KLF7: variants seen among roughly 807,000 people sequenced by gnomAD.
The protein encoded by KLF7 is KLF transcription factor 7, also known as Krueppel-like factor 7.
A neutral mutation model predicts 27.3 loss-of-function variants in KLF7; 2 were observed. That is an observed-to-expected ratio of 0.07 (90% CI 0.03 to 0.23). The LOEUF is 0.23. Among genes scored for constraint, KLF7 ranks in the 10% least tolerant of loss-of-function variants. KLF7 has a pLI of 1.00. For synonymous variants in KLF7, 165 were observed against 162.4 expected, an observed-to-expected ratio of 1.02 and a Z score of -0.12; for missense variants, 221 against 394.1, an observed-to-expected ratio of 0.56 and a Z score of 3.72.
chr2:207,103,352 T>C (rs923443864), intron 2 of KLF7, among the ~76,000 whole-genome samples: 4 of 152,160 alleles, frequency 2.6e-5, no homozygotes, highest in Non-Finnish European at 5.9e-5. Context: ...ACCTGAGCAA[T>C]ACCTCAGGAA....
intron 3 of KLF7, among the ~76,000 whole-genome samples, chr2:207,085,164 GAAAAAAAAAAAAAAAA>G (rs1015691241): frequency 6.1e-4 from 14 of 22,986 alleles, no homozygotes; most frequent in Admixed American, 2.2e-3. Flanking sequence ...TGTCTCAAAT[GAAAAAAAAAAAAAAAA>G]AAAAAAAAAA....
chr2:207,125,057 T>G (rs187822127), intron 1 of KLF7, among the ~76,000 whole-genome samples: 4 of 152,344 alleles, frequency 2.6e-5, no homozygotes, highest in Non-Finnish European at 4.4e-5. Context: ...GCAAGTCATT[T>G]AAAATACAAT....
At chr2:207,104,315 GATAC>G (rs1280739703) in intron 2 of KLF7, among the ~76,000 whole-genome samples, 1 of 152,124 alleles carries the variant, frequency 6.6e-6, no homozygotes, top group Non-Finnish European at 1.5e-5. Flanking sequence ...TCCTCGTGTA[GATAC>G]ACATATAGCA....
At chr2:207,122,519 T>C (rs991673867) in intron 2 of KLF7, among the ~76,000 whole-genome samples, 6 of 152,072 alleles carry the variant, frequency 3.9e-5, no homozygotes, top group South Asian at 2.1e-4. Context: ...AACACTAGAA[T>C]TGAAAGGGGC....
intron 2 of KLF7, among the ~76,000 whole-genome samples, chr2:207,099,427 T>C (rs2076705041): frequency 6.6e-6 from 1 of 151,876 alleles, no homozygotes; most frequent in Non-Finnish European, 1.5e-5. Context: ...TCACATTAGT[T>C]GACAATGTCT....
rs112690028 is a variant in KLF7, at chr2:207,127,998, A to C, written c.103-3594T>G. On this transcript the variant is annotated intron_variant, in intron 1 of 3. Transcript: ENST00000309446. ...ATTTCCTAACTCCATCCACTGAAAG[A>C]AGCTACAGGCAAAGATAACCCCAGG... is the stretch of plus-strand genomic sequence containing the variant. Among the ~76,000 whole-genome samples, 627 of 152,338 alleles carry C rather than the reference A, an allele frequency of 4.1e-3. 5 individuals carry two copies. The highest frequency in any genetic ancestry group is 0.015 in the African/African-American group (604 of 41,580).
At chr2:207,095,888 CAT>C (rs766676312) in intron 2 of KLF7, among the ~76,000 whole-genome samples, 16 of 152,150 alleles carry the variant, frequency 1.1e-4, no homozygotes, top group Non-Finnish European at 1.6e-4. Flanking sequence ...TTAGGTAAAA[CAT>C]ATTAAAATTA....
intron 1 of KLF7, among the ~76,000 whole-genome samples, chr2:207,143,360 A>G (rs898755892): frequency 3.3e-5 from 5 of 151,822 alleles, no homozygotes; most frequent in Admixed American, 1.3e-4. Context: ...GGAGGAGGAG[A>G]AGAAAATGAG....
At chr2:207,097,303 C>G (rs989465895) in intron 2 of KLF7, among the ~76,000 whole-genome samples, 2 of 151,180 alleles carry the variant, frequency 1.3e-5, no homozygotes, top group Non-Finnish European at 2.9e-5. Context: ...CATGAAGATT[C>G]GATGGAACCT....
At chr2:207,138,724 T>C (rs546645472) in intron 1 of KLF7, among the ~76,000 whole-genome samples, 2 of 152,328 alleles carry the variant, frequency 1.3e-5, no homozygotes, top group East Asian at 1.9e-4. Context: ...AAGACACCAG[T>C]GTGACTACAT....
chr2:207,098,443 C>T (rs1237087712), intron 2 of KLF7, among the ~76,000 whole-genome samples: 1 of 152,128 alleles, frequency 6.6e-6, no homozygotes, highest in African/African-American at 2.4e-5. Context: ...AATGTTATCA[C>T]TCTGTAAGTC....
intron 1 of KLF7, among the ~76,000 whole-genome samples, chr2:207,151,205 T>A (rs943041260): frequency 1.3e-5 from 2 of 152,160 alleles, no homozygotes; most frequent in African/African-American, 2.4e-5. Flanking sequence ...ACTGCGCTTA[T>A]GAAGCCCTGT....
chr2:207,147,205 C>G (rs1559160696), intron 1 of KLF7, among the ~76,000 whole-genome samples: 2 of 152,110 alleles, frequency 1.3e-5, no homozygotes, highest in African/African-American at 4.8e-5. Flanking sequence ...TATTGGTCCT[C>G]TTAAGATGCC....
At position 207,074,456 on chromosome 2, in the gene KLF7, T is replaced by A. The variant is rs1038390958; in HGVS notation, c.*6757A>T. On this transcript the variant is annotated 3_prime_UTR_variant, in exon 4 of 4. Coordinates refer to ENST00000309446, the MANE Select transcript of KLF7 (RefSeq NM_003709.4). ...CTTTTCTTTTCAGTTCTGAGAATTTTCCCTGGGGCTTTCATCTCCCTCTCT... is the reference window on the plus strand; with the variant it reads ...CTTTTCTTTTCAGTTCTGAGAATTTACCCTGGGGCTTTCATCTCCCTCTCT... 1 of 152,290 alleles carries A rather than the reference T, an allele frequency of 6.6e-6. No homozygotes were observed. Among genetic ancestry groups the A allele is most frequent in the African/African-American group, 2.4e-5 (1 of 41,444 alleles). 9.4% of individuals were successfully genotyped at this position (152,290 alleles called of 1,614,324 possible).
At chr2:207,110,288 G>A (rs1401504980) in intron 2 of KLF7, among the ~76,000 whole-genome samples, 2 of 152,236 alleles carry the variant, frequency 1.3e-5, no homozygotes, top group Admixed American at 6.5e-5. Flanking sequence ...AGTAGGAAAT[G>A]TACTGAGGCA....
At chr2:207,156,102 TCC>T (rs1559167899) in intron 1 of KLF7, among the ~76,000 whole-genome samples, 3 of 1,584 alleles carry the variant, frequency 1.9e-3, no homozygotes, top group African/African-American at 2.0e-3. Context: ...AGCTCTGAGC[TCC>T]TCTCCTGATG....
At chr2:207,110,144 T>C (rs2076989501) in intron 2 of KLF7, 1 of 154,820 alleles carries the variant, frequency 6.5e-6, no homozygotes, top group Non-Finnish European at 1.5e-5. Flanking sequence ...CCTGACAAAA[T>C]GCAGACATAA....
At chr2:207,163,723 G>A (rs561566043) in intron 1 of KLF7, among the ~76,000 whole-genome samples, 2 of 152,212 alleles carry the variant, frequency 1.3e-5, no homozygotes, top group Non-Finnish European at 2.9e-5. Flanking sequence ...GCTGCCTTGG[G>A]CAGGCTGACT....
intron 2 of KLF7, among the ~76,000 whole-genome samples, chr2:207,101,773 G>C (rs1024511751): frequency 1.3e-5 from 2 of 152,200 alleles, no homozygotes; most frequent in Non-Finnish European, 2.9e-5. Context: ...GACTCTGATA[G>C]AGTTGGGCAC....
Sources: gnomAD v4.1 joint callset for allele counts (sites outside exome capture counted in the v4.1 genomes callset) on GRCh38, gnomAD v4.1.1 for gene constraint, MANE v1.5 for transcripts, NCBI Gene and HGNC (gene_info 2026-07-23, HGNC 2026-07-21) for gene names.